Variants in LRBA observed in about 807,000 individuals in gnomAD.
The protein encoded by LRBA is LPS responsive beige-like anchor protein.
In LRBA, 176 loss-of-function variants were observed where a neutral mutation model predicts 330.0. The observed-to-expected ratio is 0.53, with a 90% CI of 0.47 to 0.60. LRBA has a LOEUF of 0.60. Ranked by LOEUF, LRBA falls within the 20% of genes least tolerant of loss-of-function variation. The probability of loss-of-function intolerance (pLI) is 0.00; values close to 1 mark genes in which losing one functional copy is unlikely to be tolerated. For missense variants in LRBA, 3,259 were observed against 3,444.8 expected (o/e 0.95, Z 1.35); for synonymous variants, 1,230 against 1,193.0 (o/e 1.03, Z -0.64).
chr4:150,461,481 T>C (rs769388977), intron 44 of LRBA, among the ~76,000 whole-genome samples: 13 of 151,750 alleles, frequency 8.6e-5, no homozygotes, highest in Non-Finnish European at 1.8e-4. Context: ...GAAAACTTAG[T>C]GTTCAAATTC....
chr4:150,701,473 C>T (rs1034523515), intron 36 of LRBA, among the ~76,000 whole-genome samples: 12 of 152,136 alleles, frequency 7.9e-5, no homozygotes, highest in East Asian at 1.9e-4. Context: ...ACCACAAACA[C>T]GTGAGTAATG....
At chr4:150,992,662 C>T (rs906343802) in intron 2 of LRBA, among the ~76,000 whole-genome samples, 1 of 152,108 alleles carries the variant, frequency 6.6e-6, no homozygotes, top group African/African-American at 2.4e-5. Context: ...TAGTGAAAGA[C>T]TACTTATGGG....
At chr4:150,839,558 T>TA (rs1383961782) in intron 28 of LRBA, among the ~76,000 whole-genome samples, 4 of 152,110 alleles carry the variant, frequency 2.6e-5, no homozygotes, top group Non-Finnish European at 5.9e-5. Context: ...TATGCAGCCA[T>TA]AAAAAAGGAT....
chr4:150,337,377 C>T (rs1018853410), intron 48 of LRBA, among the ~76,000 whole-genome samples: 1 of 152,040 alleles, frequency 6.6e-6, no homozygotes, highest in Non-Finnish European at 1.5e-5. Context: ...TTTAGTTACA[C>T]CTAACTTAAC....
intron 44 of LRBA, among the ~76,000 whole-genome samples, chr4:150,447,506 G>T (rs1752760416): frequency 6.6e-6 from 1 of 152,096 alleles, no homozygotes; most frequent in African/African-American, 2.4e-5. Context: ...AGCTCCCCTG[G>T]TTCTCAGGCC....
chr4:150,742,053 T>C (rs989554503), intron 35 of LRBA, among the ~76,000 whole-genome samples: 3 of 152,022 alleles, frequency 2.0e-5, no homozygotes, highest in African/African-American at 4.8e-5. Context: ...ATTTTTGATA[T>C]GTATAGGTCT....
At chr4:150,954,817 C>CAAAAAAAAAAAAAAAAAAAAAAAAAA (rs34282784) in intron 2 of LRBA, among the ~76,000 whole-genome samples, 2 of 45,528 alleles carry the variant, frequency 4.4e-5, no homozygotes, top group African/African-American at 1.4e-4. Context: ...ACTCAGAAAT[C>CAAAAAAAAAAAAAAAAAAAAAAAAAA]AAAAAAAAAA....
chr4:150,944,148 C>T (rs1735987222), intron 2 of LRBA, among the ~76,000 whole-genome samples: 1 of 152,174 alleles, frequency 6.6e-6, no homozygotes, highest in Non-Finnish European at 1.5e-5. Context: ...CAACCTACTC[C>T]CAAATTCCTG....
intron 49 of LRBA, among the ~76,000 whole-genome samples, chr4:150,325,147 G>T (rs1015285970): frequency 1.9e-4 from 29 of 152,108 alleles, no homozygotes; most frequent in Non-Finnish European, 1.3e-4. Context: ...CATGGGAGCG[G>T]CCTGGTCTAG....
At chr4:150,826,722 G>C (rs955257395) in intron 30 of LRBA, among the ~76,000 whole-genome samples, 2 of 151,910 alleles carry the variant, frequency 1.3e-5, no homozygotes, top group South Asian at 4.2e-4. Flanking sequence ...GCCCTCAAAC[G>C]CAACTTCTCT....
At chr4:150,602,697 G>A (rs927014587) in intron 37 of LRBA, among the ~76,000 whole-genome samples, 7 of 151,960 alleles carry the variant, frequency 4.6e-5, no homozygotes, top group African/African-American at 1.7e-4. Context: ...TCCCTACCCC[G>A]TCCCTTCCTC....
At chr4:150,397,445 T>G (rs2151920111) in intron 47 of LRBA, among the ~76,000 whole-genome samples, 2 of 152,050 alleles carry the variant, frequency 1.3e-5, no homozygotes, top group South Asian at 4.2e-4. Context: ...GCCCAGCTAA[T>G]ATTTTTACTT....
In LRBA at chr4:150,435,590, T is replaced by G. The variant is rs1751004557; in HGVS notation, c.7040A>C (p.Lys2347Thr). 2 of 1,605,748 alleles carry G rather than the reference T, an allele frequency of 1.2e-6. No individual in the cohort carries two copies. The highest frequency in any genetic ancestry group is 1.7e-6 in the Non-Finnish European group (2 of 1,177,926). ...CTATAAAACAAAACATTTCTGTACCTTAATATCAGAGGTATCACGCTGACT... is the reference window on the plus strand; with the variant it reads ...CTATAAAACAAAACATTTCTGTACCGTAATATCAGAGGTATCACGCTGACT... Reference protein sequence around the residue: ...RNSQRDTSDIKELIPEFYYLP... With the variant: ...RNSQRDTSDITELIPEFYYLP... The change falls in exon 46 of 57, where the codon AAG becomes ACG. Residue 2347 changes from lysine (K) to threonine (T), a missense_variant and splice_region_variant. Transcript: ENST00000651943.
chr4:150,888,538 G>C (rs1729171549), intron 17 of LRBA, among the ~76,000 whole-genome samples: 1 of 151,934 alleles, frequency 6.6e-6, no homozygotes, highest in African/African-American at 2.4e-5. Flanking sequence ...CAGTTCCAAG[G>C]GTTCTATACT....
intron 40 of LRBA, among the ~76,000 whole-genome samples, chr4:150,513,311 G>T (rs1305609258): frequency 6.6e-6 from 1 of 152,194 alleles, no homozygotes; most frequent in African/African-American, 2.4e-5. Flanking sequence ...CAGTATCTCA[G>T]TTTACAGCAA....
At chr4:150,907,202 C>A (rs1356044398) in intron 11 of LRBA, among the ~76,000 whole-genome samples, 1 of 129,160 alleles carries the variant, frequency 7.7e-6, no homozygotes, top group Non-Finnish European at 1.6e-5. Flanking sequence ...TCAGTGCTTT[C>A]ACTGCCAGCA....
At chr4:150,952,169 A>G (rs886786510) in intron 2 of LRBA, among the ~76,000 whole-genome samples, 3 of 152,202 alleles carry the variant, frequency 2.0e-5, no homozygotes, top group African/African-American at 7.2e-5. Context: ...CTCACTGAGA[A>G]CTACTCATGA....
At chr4:150,283,093 G>C (rs1319083742) in intron 54 of LRBA, among the ~76,000 whole-genome samples, 2 of 152,244 alleles carry the variant, frequency 1.3e-5, no homozygotes, top group African/African-American at 4.8e-5. Context: ...GGCCTATGCA[G>C]GGACAGCCAG....
At chr4:150,618,018 C>A (rs1261295102) in intron 37 of LRBA, among the ~76,000 whole-genome samples, 3 of 151,904 alleles carry the variant, frequency 2.0e-5, no homozygotes, top group African/African-American at 7.3e-5. Context: ...GTGGGAGGAT[C>A]GATTGAGCCT....
Sources: gnomAD v4.1 joint callset for allele counts (sites outside exome capture counted in the v4.1 genomes callset) on GRCh38, gnomAD v4.1.1 for gene constraint, MANE v1.5 for transcripts, NCBI Gene and HGNC (gene_info 2026-07-23, HGNC 2026-07-21) for gene names.